DIXDC1: variants seen among roughly 807,000 people sequenced by gnomAD.
The protein encoded by DIXDC1 is dixin.
In DIXDC1, 64 loss-of-function variants were observed where a neutral mutation model predicts 103.1. The observed-to-expected ratio is 0.62, with a 90% confidence interval of 0.51 to 0.76. The LOEUF (loss-of-function observed/expected upper bound fraction) is 0.76, where lower values mean the gene tolerates loss of function less well. DIXDC1 is among the 30% of genes least tolerant of loss of function. The pLI is 0.00. For synonymous variants in DIXDC1, 266 were observed against 298.5 expected, an observed-to-expected ratio of 0.89 and a Z score of 1.12; for missense variants, 759 against 834.2, an observed-to-expected ratio of 0.91 and a Z score of 1.11.
At chr11:111,948,298 A>G (rs1282219776) in intron 1 of DIXDC1, among the ~76,000 whole-genome samples, 12 of 152,118 alleles carry the variant, frequency 7.9e-5, no homozygotes, top group African/African-American at 2.9e-4. Flanking sequence ...TTCCCATTAA[A>G]ATTATTTTTT....
At chr11:111,979,123 GC>G (rs1860216172) in intron 5 of DIXDC1, among the ~76,000 whole-genome samples, 1 of 152,258 alleles carries the variant, frequency 6.6e-6, no homozygotes, top group African/African-American at 2.4e-5. Context: ...CAATTTAAAA[GC>G]TTTAAAATGT....
chr11:111,975,136 G>A, intron 5 of DIXDC1, 153 bp downstream of exon 5: 1 of 1,444,828 alleles, frequency 6.9e-7, no homozygotes, highest in South Asian at 1.4e-5. Context: ...TGCTTTGTGG[G>A]TTTGTGCTAG....
intron 1 of DIXDC1, among the ~76,000 whole-genome samples, chr11:111,951,154 A>T (rs1966791569): frequency 6.6e-6 from 1 of 152,270 alleles, no homozygotes; most frequent in Non-Finnish European, 1.5e-5. Context: ...AAATACATTC[A>T]AAAACTTTGA....
At chr11:111,993,097 T>G in intron 12 of DIXDC1, 93 bp downstream of exon 12, 1 of 1,389,286 alleles carries the variant, frequency 7.2e-7, no homozygotes, top group Non-Finnish European at 9.7e-7. Flanking sequence ...TATTCTATTT[T>G]CATCCTTTTT....
chr11:111,976,566 T>G lies in DIXDC1; in HGVS notation c.656+1583T>G, dbSNP rs1488087031. ...CCCTGGGGAAGGAGAGGGCTTCTTG[T>G]GGCTATCTGGAACCCAGCAGGTTCC... is the stretch of plus-strand genomic sequence containing the variant. On this transcript the variant is annotated intron_variant, in intron 5 of 19. Coordinates refer to ENST00000440460, the MANE Select transcript of DIXDC1 (RefSeq NM_001037954.4). This position sits in a 1 kb window ranked among gnomAD's most constrained non-coding sequence, Gnocchi z 4.3. Among the ~76,000 whole-genome samples the G allele has an allele frequency of 6.6e-6, 1 of 152,156 alleles. No homozygotes were observed. Among genetic ancestry groups the G allele is most frequent in the East Asian group, 1.9e-4 (1 of 5,200 alleles).
chr11:111,978,491 T>G (rs1860192502), intron 5 of DIXDC1, among the ~76,000 whole-genome samples: 1 of 151,896 alleles, frequency 6.6e-6, no homozygotes, highest in East Asian at 1.9e-4. Context: ...GGCCTCACAT[T>G]GGCAGCCTCA....
intron 4 of DIXDC1, 138 bp from the exon 5 acceptor site, chr11:111,974,738 C>T: frequency 4.8e-6 from 7 of 1,444,958 alleles, no homozygotes; most frequent in Non-Finnish European, 6.4e-6. Context: ...CTGCTAGGTA[C>T]CAAGTGTCTT....
intron 1 of DIXDC1, among the ~76,000 whole-genome samples, chr11:111,951,030 C>G (rs1163460666): frequency 2.0e-5 from 3 of 151,044 alleles, no homozygotes; most frequent in African/African-American, 7.3e-5. Context: ...TACTAGCTAG[C>G]ATAAATAAGA....
chr11:111,971,725 T>C (rs1555172078), intron 3 of DIXDC1, among the ~76,000 whole-genome samples: 1 of 42,446 alleles, frequency 2.4e-5, no homozygotes. Context: ...ATGTGGTGTG[T>C]ATATCTATAT....
chr11:111,970,568 A>G lies in DIXDC1; in HGVS notation c.316+1930A>G, dbSNP rs186558959. Among the ~76,000 whole-genome samples the G allele has an allele frequency of 5.3e-5, 8 of 152,080 alleles. No homozygotes were observed. In the East Asian group the frequency reaches 1.5e-3, roughly 29 times the overall value. On this transcript the variant is annotated intron_variant, in intron 3 of 19. Transcript: ENST00000440460. ...TCCCAGCTACTCAGGAGGCTGAGACAGGAGAATAGCTTGAAAGCAGGAGGC... is the reference window on the plus strand; with the variant it reads ...TCCCAGCTACTCAGGAGGCTGAGACGGGAGAATAGCTTGAAAGCAGGAGGC...
intron 17 of DIXDC1, among the ~76,000 whole-genome samples, chr11:112,007,957 A>C (rs1013700946): frequency 6.6e-6 from 1 of 152,130 alleles, no homozygotes; most frequent in Non-Finnish European, 1.5e-5. Flanking sequence ...CACACATAAC[A>C]ATATTAACCT....
At position 111,977,855 on chromosome 11, in the gene DIXDC1, T is replaced by C; in HGVS notation, c.656+2872T>C. The stretch of plus-strand genomic sequence containing the variant: ...GCCTGGGTGGGAACAGGGGCAGGGC[T>C]GGAGGATGCTGTTGGCCGGAGACAG... On this transcript the variant is annotated intron_variant, in intron 5 of 19. Transcript: ENST00000440460. The surrounding 1 kb of genome is among the most constrained non-coding windows in gnomAD (Gnocchi z 6.1). 1.3e-6 allele frequency: 2 copies of C among 1,494,958 alleles called. No individual in the cohort carries two copies. Among genetic ancestry groups the C allele is most frequent in the East Asian group, 2.7e-5 (1 of 36,882 alleles). The allele number at this position is 1,494,958 out of a possible 1,614,324, so 92.6% of individuals were successfully genotyped here. A position where few individuals can be genotyped will look rare whatever the true frequency, so the allele number is the denominator to read the frequency against.
intron 1 of DIXDC1, among the ~76,000 whole-genome samples, chr11:111,950,438 ATTTTTTTTTTTTTTTTTTTTT>A (rs59473485): frequency 6.6e-5 from 1 of 15,164 alleles, no homozygotes; most frequent in African/African-American, 2.3e-4. Context: ...ATATATATAT[ATTTTTTTTTTTTTTTTTTTTT>A]TTTTTTTTTT....
chr11:111,992,927 A>G, intron 11 of DIXDC1, 24 bp from the exon 12 acceptor site: 1 of 1,598,252 alleles, frequency 6.3e-7, no homozygotes, highest in Non-Finnish European at 8.5e-7. Flanking sequence ...CCTGCGTGCC[A>G]TGAATTCTTT....
chr11:111,939,543 C>T (rs1430781590), intron 1 of DIXDC1, among the ~76,000 whole-genome samples: 1 of 152,232 alleles, frequency 6.6e-6, no homozygotes, highest in Non-Finnish European at 1.5e-5. Flanking sequence ...TAGTGTACGT[C>T]TGTTCCTCTC....
chr11:111,994,713 G>A (rs1363315141), intron 14 of DIXDC1, among the ~76,000 whole-genome samples: 2 of 152,082 alleles, frequency 1.3e-5, no homozygotes, highest in Non-Finnish European at 1.5e-5. Flanking sequence ...AGGCAGTGCT[G>A]GAGCAGCATT....
chr11:111,974,857 T>C lies in DIXDC1; in HGVS notation c.549-19T>C. 8.7e-6 allele frequency: 14 copies of C among 1,611,602 alleles called. No individual in the cohort carries two copies. Among genetic ancestry groups the C allele is most frequent in the Non-Finnish European group, 1.1e-5 (13 of 1,178,910 alleles). On this transcript the variant is annotated intron_variant, in intron 4 of 19. Transcript: ENST00000440460. ...TGAAGGACTGACACCTTCCCTTTGC[T>C]GGGGTCCTTTGACTTTAGGAACAGC...
intron 1 of DIXDC1, among the ~76,000 whole-genome samples, chr11:111,951,854 A>AT (rs1966815069): frequency 7.2e-6 from 1 of 139,152 alleles, no homozygotes; most frequent in South Asian, 2.3e-4. Flanking sequence ...ATGTGGAACT[A>AT]TAAGTCCATT....
rs1320678070 is a variant in DIXDC1, at chr11:111,968,093, C to T, written c.191-420C>T. 5.9e-5 allele frequency among the ~76,000 whole-genome samples: 9 copies of T among 152,238 alleles called. No individual in the cohort carries two copies. The South Asian group carries it at 1.9e-3, about 32-fold the overall frequency. ...ACTGTACTTTATTTTTCCTCAAGCA[C>T]TTATCGCTACTATGAAATTATATTA... On this transcript the variant is annotated intron_variant, in intron 2 of 19. Transcript: ENST00000440460.
Sources: allele counts gnomAD v4.1 joint callset (sites outside exome capture counted in the v4.1 genomes callset), GRCh38; gene constraint gnomAD v4.1.1; non-coding constraint Gnocchi (gnomAD v3.1); transcripts MANE v1.5; gene names NCBI Gene and HGNC (gene_info 2026-07-23, HGNC 2026-07-21).